Variants in XYLB observed in about 807,000 individuals in gnomAD.
The protein encoded by XYLB is xylulose kinase.
In XYLB, 62 loss-of-function variants were observed where a neutral mutation model predicts 78.7. The observed-to-expected ratio is 0.79, with a 90% CI of 0.64 to 0.97. The LOEUF (loss-of-function observed/expected upper bound fraction) is 0.97, where lower values mean the gene tolerates loss of function less well. XYLB is among the 50% of genes least tolerant of loss of function. The pLI is 0.00. For synonymous variants in XYLB, 245 were observed against 247.4 expected (o/e 0.99, Z 0.09); for missense variants, 687 against 676.8 (o/e 1.02, Z -0.17).
At chr3:38,438,577 G>T in the XYLB span, among the ~76,000 whole-genome samples, 2 of 152,178 alleles carry the variant, frequency 1.3e-5, no homozygotes, top group Admixed American at 6.5e-5. Context: ...CCTTCCTGTG[G>T]GTTCTTGGTC....
rs746701394 is a variant in XYLB at position 38,368,201 on chromosome 3, G to A, written c.590G>A (p.Ser197Asn). ...YSHTERISLV[S>N]SFAASLFLGS... is the part of the protein sequence containing the mutation. ...CCTTTACAGAGAATTTCTTTGGTCA[G>A]TAGCTTTGCTGCTTCCCTGTTCCTT... is the stretch of plus-strand genomic sequence containing the variant. Residue 197 changes from serine to asparagine, a missense_variant, in exon 8 of 19, where the codon AGT (serine) becomes AAT (asparagine). By Grantham distance (46) the Ser-to-Asn change is conservative. Transcript: ENST00000207870. 6.2e-7 allele frequency: 1 copy of A among 1,614,140 alleles called. No homozygotes were observed. The highest frequency in any genetic ancestry group is 1.1e-5 in the South Asian group (1 of 91,080).
chr3:38,419,030 C>A (rs900064733), downstream of XYLB, among the ~76,000 whole-genome samples: 1 of 152,110 alleles, frequency 6.6e-6, no homozygotes, highest in Non-Finnish European at 1.5e-5. Context: ...TGAAACTCTA[C>A]TCACTAAACA....
Position 38,348,651 on chromosome 3 carries a change from T to A in XYLB, c.140+19T>A, listed in dbSNP as rs1240212101. Reference sequence around the variant, plus strand: ...AATTTGGGTATGTACTTGATGTGCATGTGTGTGTGATGGGGGTGTTGGTTT... The same window carrying A: ...AATTTGGGTATGTACTTGATGTGCAAGTGTGTGTGATGGGGGTGTTGGTTT... On this transcript the variant is annotated intron_variant, in intron 2 of 18. Coordinates refer to ENST00000207870, the MANE Select transcript of XYLB (RefSeq NM_005108.4). The A allele has an allele frequency of 1.2e-6, 2 of 1,612,432 alleles. No individual in the cohort carries two copies. The highest frequency in any genetic ancestry group is 2.2e-5 in the South Asian group (2 of 91,040).
downstream of XYLB, among the ~76,000 whole-genome samples, chr3:38,416,599 G>A (rs1575553781): frequency 6.6e-6 from 1 of 152,036 alleles, no homozygotes; most frequent in Non-Finnish European, 1.5e-5. Flanking sequence ...TCTAAAGTAA[G>A]TGATTCAGGA....
At chr3:38,367,676 AC>A (rs1225199083) in intron 7 of XYLB, among the ~76,000 whole-genome samples, 4 of 152,054 alleles carry the variant, frequency 2.6e-5, no homozygotes, top group Non-Finnish European at 5.9e-5. Context: ...GGAAGTACAG[AC>A]CCTTAGGGTG....
intron 6 of XYLB, among the ~76,000 whole-genome samples, chr3:38,366,449 TG>T (rs1430859600): frequency 4.7e-4 from 71 of 152,314 alleles, no homozygotes; most frequent in African/African-American, 1.6e-3. Flanking sequence ...GCAGAGCCAT[TG>T]TTTACTGCCT....
intron 10 of XYLB, among the ~76,000 whole-genome samples, chr3:38,374,146 G>C (rs954719673): frequency 5.9e-5 from 9 of 152,108 alleles, no homozygotes; most frequent in African/African-American, 2.2e-4. Context: ...GTATATCCTT[G>C]GTGTCTTGTC....
At chr3:38,360,547 C>T in intron 3 of XYLB, 139 bp downstream of exon 3, 1 of 718,990 alleles carries the variant, frequency 1.4e-6, no homozygotes, top group Non-Finnish European at 2.3e-6. Context: ...GTGGAGTTGG[C>T]ATGACTCCTG....
intron 2 of XYLB, among the ~76,000 whole-genome samples, chr3:38,359,822 C>T (rs1290278054): frequency 6.6e-6 from 1 of 152,142 alleles, no homozygotes; most frequent in Non-Finnish European, 1.5e-5. Flanking sequence ...TTTTCTCTTT[C>T]CTAACACATA....
At chr3:38,419,676 T>A (rs917848537), downstream of XYLB, among the ~76,000 whole-genome samples, 7 of 147,824 alleles carry the variant, frequency 4.7e-5, no homozygotes, top group Non-Finnish European at 9.0e-5. Context: ...TGACTAGTGA[T>A]GTTAAGCACT....
At chr3:38,362,234 G>C (rs1706012743) in intron 3 of XYLB, among the ~76,000 whole-genome samples, 1 of 152,156 alleles carries the variant, frequency 6.6e-6, no homozygotes, top group Non-Finnish European at 1.5e-5. Flanking sequence ...GCAAAAGTTG[G>C]CTGCCTTACT....
intron 17 of XYLB, among the ~76,000 whole-genome samples, chr3:38,398,676 GCCTT>G (rs1214431895): frequency 3.4e-4 from 50 of 146,734 alleles, no homozygotes; most frequent in Admixed American, 1.4e-3. Flanking sequence ...CTGCCTGCCT[GCCTT>G]CCTTCCTTCC....
At chr3:38,430,201 A>T in the XYLB span, among the ~76,000 whole-genome samples, 2 of 152,292 alleles carry the variant, frequency 1.3e-5, no homozygotes, top group East Asian at 1.9e-4. Context: ...ATTTCTCTAC[A>T]TCCTCTCCAG....
chr3:38,358,866 A>G (rs1210137301), intron 2 of XYLB, among the ~76,000 whole-genome samples: 1 of 152,224 alleles, frequency 6.6e-6, no homozygotes. Flanking sequence ...AATTAAAGGT[A>G]CTTTGCCAGA....
chr3:38,382,470 TGA>T (rs1707193825), intron 15 of XYLB, among the ~76,000 whole-genome samples: 1 of 152,236 alleles, frequency 6.6e-6, no homozygotes, highest in Admixed American at 6.5e-5. Context: ...TATAGGCTTA[TGA>T]TGTGTGCATT....
downstream of XYLB, among the ~76,000 whole-genome samples, chr3:38,423,294 G>A (rs181738959): frequency 2.9e-3 from 434 of 152,218 alleles, 5 homozygotes; most frequent in South Asian, 0.025. Context: ...GGATGGTCTC[G>A]ATCTCCTGAC....
chr3:38,439,775 A>T, the XYLB span, among the ~76,000 whole-genome samples: 1 of 151,736 alleles, frequency 6.6e-6, no homozygotes, highest in Non-Finnish European at 1.5e-5. Flanking sequence ...AAAAAAAAAA[A>T]AGTTTGAAAG....
chr3:38,408,680 G>C (rs552455587), intron 18 of XYLB, among the ~76,000 whole-genome samples: 2 of 118,840 alleles, frequency 1.7e-5, no homozygotes, highest in African/African-American at 5.0e-5. Flanking sequence ...TCAAATAGAC[G>C]CAATAAAAAA....
intron 2 of XYLB, chr3:38,356,696 T>A (rs1413260852): frequency 1.3e-5 from 2 of 152,270 alleles, no homozygotes; most frequent in African/African-American, 4.8e-5. Flanking sequence ...CATTCCTTTT[T>A]GTGGTTCAGT....
Sources: gnomAD v4.1 joint callset for allele counts (sites outside exome capture counted in the v4.1 genomes callset) on GRCh38, gnomAD v4.1.1 for gene constraint, MANE v1.5 for transcripts, NCBI Gene and HGNC (gene_info 2026-07-23, HGNC 2026-07-21) for gene names.